Variants in FGF14 observed in about 807,000 individuals in gnomAD.
FGF14 encodes the protein fibroblast growth factor 14.
Under a neutral mutation model 25.5 loss-of-function variants are expected in FGF14, and 5 were observed. The observed-to-expected ratio is 0.20, with a 90% CI of 0.10 to 0.41. The LOEUF is 0.41. Among genes scored for constraint, FGF14 ranks in the 10% least tolerant of loss-of-function variants. The pLI, the probability that FGF14 is intolerant of heterozygous loss-of-function variation, is 1.00. For missense variants in FGF14, 222 were observed against 320.1 expected (o/e 0.69, Z 2.34); for synonymous variants, 138 against 118.3 (o/e 1.17, Z -1.08).
At chr13:102,305,260 A>G (rs2055309989) in intron 1 of FGF14, among the ~76,000 whole-genome samples, 1 of 152,144 alleles carries the variant, frequency 6.6e-6, no homozygotes, top group Non-Finnish European at 1.5e-5. Flanking sequence ...TATTTCAATA[A>G]GTTTGTAAAA....
At position 101,717,501 on chromosome 13, in the gene FGF14, A is replaced by G. The variant is rs1474865310; in HGVS notation, c.*5330T>C. Reference sequence around the variant, plus strand: ...AACCTATTATTATTGTTTTGTAGCAATTTTGATGACGTATTCGCTGATGCA... The same window carrying G: ...AACCTATTATTATTGTTTTGTAGCAGTTTTGATGACGTATTCGCTGATGCA... On this transcript the variant is annotated 3_prime_UTR_variant, in exon 5 of 5. Transcript: ENST00000376143. 1.3e-5 allele frequency: 2 copies of G among 152,116 alleles called. No homozygotes were observed. Among genetic ancestry groups the G allele is most frequent in the African/African-American group, 4.8e-5 (2 of 41,436 alleles). 9.4% of individuals were successfully genotyped at this position (152,116 alleles called of 1,614,324 possible). A position where few individuals can be genotyped will look rare whatever the true frequency, so the allele number is the denominator to read the frequency against.
intron 1 of FGF14, among the ~76,000 whole-genome samples, chr13:101,903,121 G>T (rs1462335427): frequency 1.3e-5 from 2 of 152,042 alleles, no homozygotes; most frequent in Admixed American, 6.6e-5. Context: ...GCATGCTGTT[G>T]CTGAGGAATA....
chr13:102,175,640 T>C (rs767514436), intron 1 of FGF14, among the ~76,000 whole-genome samples: 3 of 151,956 alleles, frequency 2.0e-5, no homozygotes, highest in Non-Finnish European at 2.9e-5. Context: ...GCCTGCAGAA[T>C]GGGAGAAAAT....
chr13:102,004,274 G>A lies in FGF14; in HGVS notation c.209-128978C>T, dbSNP rs573613088. Among the ~76,000 whole-genome samples the A allele has an allele frequency of 2.0e-5, 3 of 152,252 alleles. No homozygotes were observed. The South Asian group carries it at 6.2e-4, about 32-fold the overall frequency. On this transcript the variant is annotated intron_variant, in intron 1 of 4. Coordinates refer to the FGF14 transcript ENST00000376131. ...AATTCCAGACATTTTCTGCTAGTTC[G>A]ATTACATTTGAGGAGAGAAAAGAGA...
intron 1 of FGF14, among the ~76,000 whole-genome samples, chr13:101,922,890 C>A (rs1030163410): frequency 6.6e-6 from 1 of 151,486 alleles, no homozygotes; most frequent in African/African-American, 2.4e-5. Flanking sequence ...ATATTTTGTA[C>A]ATTGATATAT....
chr13:101,743,379 G>C (rs2036676945), intron 3 of FGF14, among the ~76,000 whole-genome samples: 3 of 152,118 alleles, frequency 2.0e-5, no homozygotes, highest in Non-Finnish European at 4.4e-5. Context: ...CTACAAATGG[G>C]AACATAAGCT....
At chr13:101,860,166 G>T (rs913166441) in intron 3 of FGF14, among the ~76,000 whole-genome samples, 6 of 152,002 alleles carry the variant, frequency 3.9e-5, no homozygotes, top group Non-Finnish European at 8.8e-5. Flanking sequence ...GCCATTATTG[G>T]TTGAAAATTT....
intron 1 of FGF14, among the ~76,000 whole-genome samples, chr13:102,322,124 T>C (rs1456414985): frequency 6.6e-6 from 1 of 152,224 alleles, no homozygotes; most frequent in Non-Finnish European, 1.5e-5. Flanking sequence ...ATTTGCCTTC[T>C]AGGAAGAGCT....
chr13:102,141,221 GA>G (rs1377885452), intron 1 of FGF14, among the ~76,000 whole-genome samples: 4 of 152,168 alleles, frequency 2.6e-5, no homozygotes, highest in Non-Finnish European at 4.4e-5. Flanking sequence ...GGTCACCCAG[GA>G]AAATGGACGT....
At chr13:102,251,991 TTA>T (rs1327351182) in intron 1 of FGF14, among the ~76,000 whole-genome samples, 2 of 152,174 alleles carry the variant, frequency 1.3e-5, no homozygotes, top group Admixed American at 6.6e-5. Flanking sequence ...ATAAAATTAA[TTA>T]TGAGCATAAT....
Position 101,916,724 on chromosome 13 carries a change from C to G in FGF14, c.-79G>C. The G allele has an allele frequency of 1.5e-6, 2 of 1,299,734 alleles. No homozygotes were observed. Among genetic ancestry groups the G allele is most frequent in the Non-Finnish European group, 2.1e-6 (2 of 974,820 alleles). The allele number at this position is 1,299,734 out of a possible 1,614,324, so 80.5% of individuals were successfully genotyped here. A position where few individuals can be genotyped will look rare whatever the true frequency, so the allele number is the denominator to read the frequency against. The stretch of plus-strand genomic sequence containing the variant: ...GGGGCACCGGAGGGGAAGGCGGCGG[C>G]GCAGACCGTGGCTCGCCCTCGGGGC... On this transcript the variant is annotated 5_prime_UTR_variant, in exon 1 of 5. Coordinates refer to ENST00000376143, the MANE Select transcript of FGF14 (RefSeq NM_004115.4).
chr13:102,019,582 G>A (rs1284872172), intron 1 of FGF14, among the ~76,000 whole-genome samples: 2 of 152,112 alleles, frequency 1.3e-5, no homozygotes, highest in South Asian at 2.1e-4. Context: ...AATGGAGCAG[G>A]TATTCAAACA....
intron 1 of FGF14, among the ~76,000 whole-genome samples, chr13:102,147,096 A>G (rs1394986312): frequency 6.6e-6 from 1 of 152,148 alleles, no homozygotes; most frequent in Non-Finnish European, 1.5e-5. Flanking sequence ...TAGTGGTTAT[A>G]AAGTATTTTG....
chr13:102,264,335 T>C (rs995908893), intron 1 of FGF14, among the ~76,000 whole-genome samples: 2 of 152,194 alleles, frequency 1.3e-5, no homozygotes, highest in African/African-American at 4.8e-5. Context: ...TTGCTCCTTC[T>C]CCATAAAATT....
intron 1 of FGF14, among the ~76,000 whole-genome samples, chr13:102,355,313 A>G (rs1234381955): frequency 2.6e-5 from 4 of 152,078 alleles, no homozygotes; most frequent in African/African-American, 9.7e-5. Context: ...TTGCACAACC[A>G]TTATATTTCA....
intron 1 of FGF14, among the ~76,000 whole-genome samples, chr13:102,239,080 A>AAAAAAAC (rs901585115): frequency 1.3e-5 from 2 of 151,580 alleles, no homozygotes; most frequent in Non-Finnish European, 2.9e-5. Context: ...CGCTGGTTAA[A>AAAAAAAC]AAAAAACAAA....
intron 3 of FGF14, among the ~76,000 whole-genome samples, chr13:101,738,962 A>G (rs1054099226): frequency 8.6e-4 from 127 of 148,340 alleles, no homozygotes; most frequent in Non-Finnish European, 1.3e-3. Context: ...GTGTGTATAT[A>G]TATATATATA....
intron 1 of FGF14, among the ~76,000 whole-genome samples, chr13:101,882,984 A>G (rs996883967): frequency 6.6e-6 from 1 of 152,120 alleles, no homozygotes; most frequent in Non-Finnish European, 1.5e-5. Flanking sequence ...CAAGGGAAGG[A>G]GAAGAAAAGA....
rs145593615 is a variant in FGF14 at position 102,045,535 on chromosome 13, A to C, written c.209-170239T>G. ...GAGCAACTGTGATCTCTATCATGAA[A>C]ATTCCTTAACAAGCTAGAAAAAAAA... On this transcript the variant is annotated intron_variant, in intron 1 of 4. Coordinates refer to the FGF14 transcript ENST00000376131. Among the ~76,000 whole-genome samples, 5 of 152,260 alleles carry C rather than the reference A, an allele frequency of 3.3e-5. No individual in the cohort carries two copies. The East Asian group carries it at 9.6e-4, about 29-fold the overall frequency.
Sources: allele counts gnomAD v4.1 joint callset (sites outside exome capture counted in the v4.1 genomes callset), GRCh38; gene constraint gnomAD v4.1.1; transcripts MANE v1.5; gene names NCBI Gene and HGNC (gene_info 2026-07-23, HGNC 2026-07-21).